Variants in NRG3 observed in about 807,000 individuals in gnomAD.
NRG3 encodes pro-neuregulin-3, membrane-bound isoform.
Under a neutral mutation model 66.9 loss-of-function variants are expected in NRG3, and 31 were observed. The ratio of observed to expected loss-of-function variants is 0.46; its 90% CI spans 0.35 to 0.63. NRG3 has a LOEUF of 0.63. Among genes scored for constraint, NRG3 ranks in the 20% least tolerant of loss-of-function variants. The pLI, the probability that NRG3 is intolerant of heterozygous loss-of-function variation, is 0.00. For synonymous variants in NRG3, 393 were observed against 359.4 expected (o/e 1.09, Z -1.06); for missense variants, 910 against 878.9 (o/e 1.04, Z -0.45).
At chr10:82,551,650 A>G (rs73311949) in intron 2 of NRG3, among the ~76,000 whole-genome samples, 1 of 151,228 alleles carries the variant, frequency 6.6e-6, no homozygotes, top group Non-Finnish European at 1.5e-5. Flanking sequence ...CAAAACAACT[A>G]CCTAGCTTAA....
chr10:82,404,490 G>A (rs1245696360), intron 2 of NRG3, among the ~76,000 whole-genome samples: 3 of 152,102 alleles, frequency 2.0e-5, no homozygotes, highest in Admixed American at 2.0e-4. Context: ...GAGAAGCTGC[G>A]ATTTAGAACC....
intron 4 of NRG3, among the ~76,000 whole-genome samples, chr10:82,889,583 C>G (rs1471123835): frequency 6.6e-6 from 1 of 152,088 alleles, no homozygotes; most frequent in Admixed American, 6.6e-5. Context: ...TTAGAATGGT[C>G]TAGATTTAAA....
chr10:82,230,889 C>CA (rs2133881337), intron 1 of NRG3, among the ~76,000 whole-genome samples: 1 of 152,060 alleles, frequency 6.6e-6, no homozygotes, highest in East Asian at 1.9e-4. Flanking sequence ...TATTAAATAA[C>CA]ATAGCATAAA....
intron 4 of NRG3, among the ~76,000 whole-genome samples, chr10:82,897,013 G>A (rs1340427122): frequency 6.6e-6 from 1 of 152,154 alleles, no homozygotes; most frequent in East Asian, 1.9e-4. Flanking sequence ...ATTCGGTTTG[G>A]TGAAGGATGT....
At chr10:82,741,685 G>T (rs919275953) in intron 3 of NRG3, among the ~76,000 whole-genome samples, 9 of 152,074 alleles carry the variant, frequency 5.9e-5, no homozygotes, top group Admixed American at 1.3e-4. Context: ...AAGTAAACTT[G>T]CTCAAGGTCA....
At chr10:82,319,426 C>G (rs563093074) in intron 1 of NRG3, among the ~76,000 whole-genome samples, 1 of 152,190 alleles carries the variant, frequency 6.6e-6, no homozygotes, top group Non-Finnish European at 1.5e-5. Flanking sequence ...TAAATTCCGC[C>G]GAAAGGCAAA....
At chr10:82,745,723 T>G (rs1036846754) in intron 3 of NRG3, among the ~76,000 whole-genome samples, 23 of 152,154 alleles carry the variant, frequency 1.5e-4, no homozygotes, top group Admixed American at 6.5e-5. Context: ...TTACCAATCA[T>G]GTATGCAAAC....
intron 2 of NRG3, among the ~76,000 whole-genome samples, chr10:82,380,600 G>T (rs1162723946): frequency 6.6e-6 from 1 of 152,106 alleles, no homozygotes; most frequent in Non-Finnish European, 1.5e-5. Context: ...ATTAGTTAAG[G>T]TGTCATTAGA....
chr10:82,237,195 G>A (rs1424303490), intron 1 of NRG3, among the ~76,000 whole-genome samples: 2 of 152,114 alleles, frequency 1.3e-5, no homozygotes, highest in Admixed American at 6.5e-5. Context: ...CAGGCTCCAG[G>A]TCCCATGAAC....
intron 1 of NRG3, among the ~76,000 whole-genome samples, chr10:82,031,005 A>G (rs995877766): frequency 3.3e-5 from 5 of 152,176 alleles, no homozygotes; most frequent in Admixed American, 3.3e-4. Context: ...TATTATCTAG[A>G]TATTCAAGTA....
chr10:82,285,647 C>T (rs1234058198), intron 1 of NRG3, among the ~76,000 whole-genome samples: 1 of 152,060 alleles, frequency 6.6e-6, no homozygotes, highest in Middle Eastern at 3.2e-3. Flanking sequence ...AGAACACACG[C>T]CAAGGCTGGT....
chr10:81,984,382 T>A (rs1217457346), intron 1 of NRG3, among the ~76,000 whole-genome samples: 1 of 152,204 alleles, frequency 6.6e-6, no homozygotes, highest in Non-Finnish European at 1.5e-5. Context: ...TCCATCTTAA[T>A]TGTAATCCTT....
intron 1 of NRG3, among the ~76,000 whole-genome samples, chr10:82,170,862 C>A (rs1193619010): frequency 6.6e-6 from 1 of 150,722 alleles, no homozygotes; most frequent in African/African-American, 2.4e-5. Flanking sequence ...ATATTCCAAT[C>A]AGAAGGTAGG....
chr10:82,086,339 A>T (rs753184232), intron 1 of NRG3, among the ~76,000 whole-genome samples: 1 of 152,154 alleles, frequency 6.6e-6, no homozygotes, highest in African/African-American at 2.4e-5. Flanking sequence ...AGAAGAAATT[A>T]TCAAGTTTCT....
chr10:82,410,089 A>G (rs1320446530), intron 2 of NRG3, among the ~76,000 whole-genome samples: 1 of 152,076 alleles, frequency 6.6e-6, no homozygotes, highest in Non-Finnish European at 1.5e-5. Flanking sequence ...TAGTCTACCC[A>G]GGCCCAAAGA....
intron 1 of NRG3, among the ~76,000 whole-genome samples, chr10:82,021,081 A>G (rs79491347): frequency 0.012 from 1,831 of 152,104 alleles, 83 homozygotes; most frequent in East Asian, 0.11. Flanking sequence ...ACACAGACCA[A>G]TGCCTTTGAA....
intron 3 of NRG3, among the ~76,000 whole-genome samples, chr10:82,822,771 G>A (rs550018399): frequency 2.6e-5 from 4 of 152,150 alleles, no homozygotes; most frequent in African/African-American, 9.6e-5. Flanking sequence ...CTGGAGTCTG[G>A]ATGGCTTGAT....
At chr10:82,656,917 A>T in intron 2 of NRG3, among the ~76,000 whole-genome samples, 1 of 152,106 alleles carries the variant, frequency 6.6e-6, no homozygotes, top group East Asian at 1.9e-4. Context: ...TTGCCAACCT[A>T]TGTGGCTCTC....
At chr10:82,273,000 A>G (rs1459167399) in intron 1 of NRG3, among the ~76,000 whole-genome samples, 2 of 152,048 alleles carry the variant, frequency 1.3e-5, no homozygotes, top group Admixed American at 6.6e-5. Flanking sequence ...CAATTTAACA[A>G]TTGTCTTTTC....
Sources: gnomAD v4.1 joint callset for allele counts (sites outside exome capture counted in the v4.1 genomes callset) on GRCh38, gnomAD v4.1.1 for gene constraint, MANE v1.5 for transcripts, NCBI Gene and HGNC (gene_info 2026-07-23, HGNC 2026-07-21) for gene names.